DENND4A: variants seen among roughly 807,000 people sequenced by gnomAD.
DENND4A encodes C-myc promoter-binding protein.
In DENND4A, 70 loss-of-function variants were observed where a neutral mutation model predicts 199.3. The observed-to-expected ratio is 0.35, with a 90% CI of 0.29 to 0.43. The LOEUF is 0.43. Among genes scored for constraint, DENND4A ranks in the 20% least tolerant of loss-of-function variants. The pLI is 1.00. For synonymous variants in DENND4A, 686 were observed against 766.9 expected (o/e 0.89, Z 1.74); for missense variants, 1,723 against 2,255.8 (o/e 0.76, Z 4.78).
intron 18 of DENND4A, 124 bp downstream of exon 18, chr15:65,701,638 G>C: frequency 1.1e-6 from 1 of 892,836 alleles, no homozygotes; most frequent in Non-Finnish European, 1.7e-6. Context: ...TTCCTTGATT[G>C]ACAAAATGTA....
intron 12 of DENND4A, among the ~76,000 whole-genome samples, chr15:65,718,264 C>T (rs577528074): frequency 7.9e-5 from 12 of 152,080 alleles, no homozygotes; most frequent in South Asian, 6.2e-4. Flanking sequence ...GTAGCTCATG[C>T]GTGCAATCCT....
chr15:65,746,871 A>AGCCTGG (rs1263859645), intron 4 of DENND4A, among the ~76,000 whole-genome samples: 1 of 151,156 alleles, frequency 6.6e-6, no homozygotes, highest in Non-Finnish European at 1.5e-5. Context: ...TCAGAAGACC[A>AGCCTGG]GCCTGGCCAA....
chr15:65,701,741 C>T, intron 18 of DENND4A, 21 bp downstream of exon 18: 2 of 1,607,698 alleles, frequency 1.2e-6, no homozygotes, highest in Non-Finnish European at 1.7e-6. Context: ...TACTCTTTAT[C>T]CATTAAACCA....
intron 1 of DENND4A, chr15:65,771,235 A>T: frequency 6.2e-7 from 1 of 1,603,748 alleles, no homozygotes; most frequent in Non-Finnish European, 8.5e-7. Context: ...TGCTCAAGGC[A>T]TCTGACTTCC....
At chr15:65,700,466 A>C (rs1361946676) in intron 20 of DENND4A, 78 bp downstream of exon 20, 1 of 939,380 alleles carries the variant, frequency 1.1e-6, no homozygotes. Flanking sequence ...CTGAAAATGA[A>C]AATGTAAAAA....
intron 4 of DENND4A, among the ~76,000 whole-genome samples, chr15:65,748,925 C>T (rs769429598): frequency 2.0e-5 from 3 of 148,566 alleles, no homozygotes; most frequent in Non-Finnish European, 3.0e-5. Flanking sequence ...CCCAAGAGGT[C>T]GAGGCTACAA....
chr15:65,662,481 T>C (rs2141811492), intron 32 of DENND4A, among the ~76,000 whole-genome samples: 1 of 152,348 alleles, frequency 6.6e-6, no homozygotes, highest in African/African-American at 2.4e-5. Context: ...TGATTTTTTT[T>C]TCCCTTTTCC....
At chr15:65,698,258 A>G (rs7175692) in intron 20 of DENND4A, among the ~76,000 whole-genome samples, 40,998 of 151,924 alleles carry the variant, frequency 0.27, 6,813 homozygotes, top group East Asian at 0.74. Flanking sequence ...GACAGAGTGA[A>G]ACCCTGTCTC....
Position 65,758,471 on chromosome 15 carries a change from G to A in DENND4A, c.-22-1999C>T, listed in dbSNP as rs768191597. ...TGGGACCACAGGTGTGCACCACCACGCCTGGCTGGTTTGTTTTTGTTGTAG... is the reference window on the plus strand; with the variant it reads ...TGGGACCACAGGTGTGCACCACCACACCTGGCTGGTTTGTTTTTGTTGTAG... On this transcript the variant is annotated intron_variant, in intron 2 of 32. Transcript: ENST00000443035. 7.2e-5 allele frequency among the ~76,000 whole-genome samples: 11 copies of A among 151,864 alleles called. No homozygotes were observed. The South Asian group carries it at 1.0e-3, about 14-fold the overall frequency.
chr15:65,697,307 AATGTCTTCAGTAG>A lies in DENND4A; in HGVS notation c.2897_2909del (p.Ser966PhefsTer66). The A allele has an allele frequency of 6.2e-7, 1 of 1,605,492 alleles. No homozygotes were observed. Among genetic ancestry groups the A allele is most frequent in the Non-Finnish European group, 8.5e-7 (1 of 1,174,808 alleles). On this transcript the variant is annotated frameshift_variant, in exon 21 of 33. Transcript: ENST00000443035. LOFTEE classifies it high-confidence loss of function. ...TCCCTTTTTTATCTTTTTCTTCTTGAATGTCTTCAGTAGATGTATCCCCTCTTCTAACTTCATC... is the reference window on the plus strand; with the variant it reads ...TCCCTTTTTTATCTTTTTCTTCTTGAATGTATCCCCTCTTCTAACTTCATC...
Position 65,691,224 on chromosome 15 carries a change from G to C in DENND4A, c.3370C>G (p.Leu1124Val), listed in dbSNP as rs760137920. 2 of 1,613,350 alleles carry C rather than the reference G, an allele frequency of 1.2e-6. No individual in the cohort carries two copies. Among genetic ancestry groups the C allele is most frequent in the African/African-American group, 1.3e-5 (1 of 75,032 alleles). ...CTTAAAGGTGGCTTCCCAATATCAA[G>C]AGTATTTGGTCTCGTGCTTTTTGAG... ...VISKSTRPNTLDIGKPPLRSK... is the reference protein window; with the variant it reads ...VISKSTRPNTVDIGKPPLRSK... Residue 1124 changes from leucine (L) to valine (V), a missense_variant, in exon 23 of 33, where the codon CTT becomes GTT. Coordinates refer to ENST00000443035, the MANE Select transcript of DENND4A (RefSeq NM_001320835.1).
Position 65,770,711 on chromosome 15 carries a change from T to A in DENND4A, c.-101-9273A>T, listed in dbSNP as rs143351193. Among the ~76,000 whole-genome samples, 1,496 of 152,294 alleles carry A rather than the reference T, an allele frequency of 9.8e-3. 14 individuals are homozygous for A. Among genetic ancestry groups the A allele is most frequent in the Middle Eastern group, 0.041 (12 of 294 alleles). On this transcript the variant is annotated intron_variant, in intron 1 of 32. Transcript: ENST00000443035. ...AAAGTCCACATATTTGACACCTTGA[T>A]AAGGAAAACGTAAATGTGTCATATA...
At chr15:65,714,530 T>C (rs1434813111) in intron 14 of DENND4A, among the ~76,000 whole-genome samples, 1 of 152,176 alleles carries the variant, frequency 6.6e-6, no homozygotes, top group Non-Finnish European at 1.5e-5. Context: ...CCCACACAGA[T>C]GACTTCTTCA....
At chr15:65,663,366 C>T (rs1364466237) in intron 32 of DENND4A, among the ~76,000 whole-genome samples, 3 of 151,616 alleles carry the variant, frequency 2.0e-5, no homozygotes, top group Admixed American at 6.6e-5. Context: ...TGCGCCACCA[C>T]GCCTGGCTAA....
At chr15:65,671,736 GA>G in intron 25 of DENND4A, 55 bp downstream of exon 25, 1 of 1,208,824 alleles carries the variant, frequency 8.3e-7, no homozygotes, top group Non-Finnish European at 1.2e-6. Context: ...TAATACTTAA[GA>G]AATGTGCATT....
chr15:65,744,744 A>G (rs2076345087), intron 4 of DENND4A, among the ~76,000 whole-genome samples: 1 of 152,202 alleles, frequency 6.6e-6, no homozygotes, highest in African/African-American at 2.4e-5. Context: ...TGAACTTTGT[A>G]TCTATTTTGA....
In DENND4A at chr15:65,660,125, A is replaced by C; in HGVS notation, c.*1726T>G. Reference sequence around the variant, plus strand: ...GAACATGAAGAACAAGTAGAACATGAAGCTTGGATCTGAATAGTAAAGAAT... The same window carrying C: ...GAACATGAAGAACAAGTAGAACATGCAGCTTGGATCTGAATAGTAAAGAAT... On this transcript the variant is annotated 3_prime_UTR_variant, in exon 33 of 33. Coordinates refer to ENST00000443035, the MANE Select transcript of DENND4A (RefSeq NM_001320835.1). 1 of 552,786 alleles carries C rather than the reference A, an allele frequency of 1.8e-6. No homozygotes were observed. The highest frequency in any genetic ancestry group is 3.2e-6 in the Non-Finnish European group (1 of 312,830). The allele number at this position is 552,786 out of a possible 1,614,324, so 34.2% of individuals were successfully genotyped here. A position where few individuals can be genotyped will look rare whatever the true frequency, so the allele number is the denominator to read the frequency against.
At position 65,757,263 on chromosome 15, in the gene DENND4A, G is replaced by A. The variant is rs1378092876; in HGVS notation, c.-22-791C>T. On this transcript the variant is annotated intron_variant, in intron 2 of 32. Coordinates refer to ENST00000443035, the MANE Select transcript of DENND4A (RefSeq NM_001320835.1). ...TTATTTTGTTTTATTCTTCTGAGATGGGGGGGGGGGGGTCTCACTATGTTG... is the reference window on the plus strand; with the variant it reads ...TTATTTTGTTTTATTCTTCTGAGATAGGGGGGGGGGGGTCTCACTATGTTG... 1.1e-4 allele frequency among the ~76,000 whole-genome samples: 3 copies of A among 27,486 alleles called. No homozygotes were observed. In the East Asian group the frequency reaches 0.022, roughly 202 times the overall value. 18.0% of individuals were successfully genotyped at this position (27,486 alleles called of 152,430 possible).
intron 23 of DENND4A, among the ~76,000 whole-genome samples, chr15:65,687,288 G>A (rs1172868664): frequency 6.6e-6 from 1 of 152,070 alleles, no homozygotes; most frequent in Non-Finnish European, 1.5e-5. Flanking sequence ...GGTCTGTGGG[G>A]TAAGTTCCTT....
Sources: gnomAD v4.1 joint callset for allele counts (sites outside exome capture counted in the v4.1 genomes callset) on GRCh38, gnomAD v4.1.1 for gene constraint, MANE v1.5 for transcripts, NCBI Gene and HGNC (gene_info 2026-07-23, HGNC 2026-07-21) for gene names.